The following LMNTD1 variants were observed in gnomAD, a reference collection of about 807,000 sequenced individuals.
The protein encoded by LMNTD1 is lamin tail domain-containing protein 1.
In LMNTD1, 35 loss-of-function variants were observed where a neutral mutation model predicts 50.9. The observed-to-expected ratio is 0.69, with a 90% CI of 0.53 to 0.91. LMNTD1 has a LOEUF of 0.91. Ranked by LOEUF, LMNTD1 falls within the 40% of genes least tolerant of loss-of-function variation. The pLI is 0.00. For missense variants in LMNTD1, 470 were observed against 475.5 expected (o/e 0.99, Z 0.11); for synonymous variants, 153 against 161.9 (o/e 0.94, Z 0.42).
chr12:25,578,005 A>G (rs1040151526), intron 1 of LMNTD1, among the ~76,000 whole-genome samples: 3 of 152,098 alleles, frequency 2.0e-5, no homozygotes, highest in Admixed American at 6.6e-5. Flanking sequence ...ACTTCACTCC[A>G]TGGACAGGCT....
chr12:25,597,367 G>C (rs970562050), intron 1 of LMNTD1, among the ~76,000 whole-genome samples: 2 of 151,978 alleles, frequency 1.3e-5, no homozygotes, highest in Non-Finnish European at 2.9e-5. Context: ...ATTTATATCA[G>C]AAAAAATAGA....
intron 4 of LMNTD1, among the ~76,000 whole-genome samples, chr12:25,543,165 G>A (rs1463221039): frequency 2.0e-5 from 3 of 151,554 alleles, no homozygotes; most frequent in African/African-American, 4.8e-5. Flanking sequence ...AGGCCCAGAT[G>A]GCTTCACCAA....
intron 4 of LMNTD1, among the ~76,000 whole-genome samples, chr12:25,541,044 G>C (rs1943032326): frequency 8.4e-6 from 1 of 119,220 alleles, no homozygotes; most frequent in Non-Finnish European, 1.9e-5. Flanking sequence ...TCTTCAAGGA[G>C]AACTACAAAC....
intron 1 of LMNTD1, among the ~76,000 whole-genome samples, chr12:25,558,921 C>T (rs892264105): frequency 3.3e-5 from 5 of 151,356 alleles, no homozygotes; most frequent in Admixed American, 6.6e-5. Flanking sequence ...AACAATATCA[C>T]GTGTATTTGT....
At chr12:25,614,385 C>T (rs147462731) in intron 1 of LMNTD1, among the ~76,000 whole-genome samples, 2 of 152,210 alleles carry the variant, frequency 1.3e-5, no homozygotes, top group East Asian at 1.9e-4. Context: ...CCTCAATTAC[C>T]AGGTATCTGG....
At chr12:25,561,993 A>T (rs1376331044) in intron 1 of LMNTD1, among the ~76,000 whole-genome samples, 2 of 152,086 alleles carry the variant, frequency 1.3e-5, no homozygotes, top group Non-Finnish European at 2.9e-5. Context: ...TGCTTGGTAG[A>T]TCTTCCTCCA....
intron 9 of LMNTD1, among the ~76,000 whole-genome samples, chr12:25,494,681 C>A (rs1939002289): frequency 6.6e-6 from 1 of 151,856 alleles, no homozygotes; most frequent in Admixed American, 6.6e-5. Context: ...ATTTTTTTCC[C>A]CCAGCTTTAT....
chr12:25,635,789 C>T (rs1329589744), intron 1 of LMNTD1, among the ~76,000 whole-genome samples: 1 of 152,120 alleles, frequency 6.6e-6, no homozygotes, highest in East Asian at 1.9e-4. Flanking sequence ...AAAACAGGCA[C>T]ATAGACCAAT....
At chr12:25,485,194 A>T (rs952496400) in intron 9 of LMNTD1, among the ~76,000 whole-genome samples, 1 of 144,618 alleles carries the variant, frequency 6.9e-6, no homozygotes, top group Non-Finnish European at 1.5e-5. Flanking sequence ...AATGATTGCC[A>T]TTCTAACTGG....
intron 1 of LMNTD1, among the ~76,000 whole-genome samples, chr12:25,588,994 G>C (rs1009774322): frequency 6.6e-6 from 1 of 152,128 alleles, no homozygotes; most frequent in Non-Finnish European, 1.5e-5. Flanking sequence ...TTAAGTCTTA[G>C]TAAGGGTATA....
intron 1 of LMNTD1, among the ~76,000 whole-genome samples, chr12:25,600,772 G>A (rs1370767503): frequency 6.6e-6 from 1 of 151,954 alleles, no homozygotes; most frequent in East Asian, 1.9e-4. Flanking sequence ...CAGTTAAAAT[G>A]GCTTTTATCC....
At chr12:25,498,524 A>G (rs1021369818) in intron 9 of LMNTD1, among the ~76,000 whole-genome samples, 1 of 152,194 alleles carries the variant, frequency 6.6e-6, no homozygotes, top group African/African-American at 2.4e-5. Flanking sequence ...AATTCCTGAC[A>G]CATATGCTTT....
At chr12:25,508,013 G>GA (rs1939946336) in intron 8 of LMNTD1, among the ~76,000 whole-genome samples, 2 of 144,530 alleles carry the variant, frequency 1.4e-5, no homozygotes, top group Admixed American at 1.4e-4. Flanking sequence ...TCATCAACGT[G>GA]TTTTTTTTTT....
At chr12:25,530,237 A>G (rs779359709) in intron 4 of LMNTD1, among the ~76,000 whole-genome samples, 3 of 152,172 alleles carry the variant, frequency 2.0e-5, no homozygotes, top group African/African-American at 7.2e-5. Flanking sequence ...TTATATGCAC[A>G]TATTTTCTGC....
chr12:25,642,212 T>G (rs1946970603), intron 1 of LMNTD1, among the ~76,000 whole-genome samples: 1 of 152,250 alleles, frequency 6.6e-6, no homozygotes, highest in Admixed American at 6.5e-5. Flanking sequence ...TGAATGTTTG[T>G]GATCCTTCCC....
intron 1 of LMNTD1, among the ~76,000 whole-genome samples, chr12:25,618,618 A>C (rs1691584559): frequency 6.6e-6 from 1 of 152,172 alleles, no homozygotes; most frequent in African/African-American, 2.4e-5. Context: ...TAGCACATTT[A>C]GGCCTGGAAA....
At chr12:25,533,665 G>C (rs2136133841) in intron 4 of LMNTD1, among the ~76,000 whole-genome samples, 1 of 152,276 alleles carries the variant, frequency 6.6e-6, no homozygotes, top group East Asian at 1.9e-4. Flanking sequence ...GACAAAGTTA[G>C]AAAGATTCAG....
upstream of LMNTD1, among the ~76,000 whole-genome samples, chr12:25,556,775 G>T (rs1351142529): frequency 6.6e-6 from 1 of 152,112 alleles, no homozygotes; most frequent in East Asian, 1.9e-4. Context: ...ATATTCTTAA[G>T]TTTAAAAAAC....
chr12:25,573,694 A>T (rs990289983), intron 1 of LMNTD1, among the ~76,000 whole-genome samples: 1 of 152,134 alleles, frequency 6.6e-6, no homozygotes, highest in Non-Finnish European at 1.5e-5. Flanking sequence ...GGCAACTTGT[A>T]ATGGGGAGGA....
Sources: gnomAD v4.1 joint callset for allele counts (sites outside exome capture counted in the v4.1 genomes callset) on GRCh38, gnomAD v4.1.1 for gene constraint, MANE v1.5 for transcripts, NCBI Gene and HGNC (gene_info 2026-07-23, HGNC 2026-07-21) for gene names.